Variants in RAVER2 observed in about 807,000 individuals in gnomAD.
RAVER2 encodes ribonucleoprotein, PTB binding 2.
A neutral mutation model predicts 78.1 loss-of-function variants in RAVER2; 46 were observed. The ratio of observed to expected loss-of-function variants is 0.59; its 90% CI spans 0.46 to 0.75. The LOEUF (loss-of-function observed/expected upper bound fraction) is 0.75. RAVER2 is among the 30% of genes least tolerant of loss of function. The pLI, the probability that RAVER2 is intolerant of heterozygous loss-of-function variation, is 0.00. For missense variants in RAVER2, 793 were observed against 837.5 expected (o/e 0.95, Z 0.66); for synonymous variants, 311 against 313.3 (o/e 0.99, Z 0.08).
At chr1:64,760,175 T>A (rs544128116) in intron 1 of RAVER2, among the ~76,000 whole-genome samples, 2 of 149,770 alleles carry the variant, frequency 1.3e-5, no homozygotes, top group African/African-American at 4.9e-5. Context: ...GTGGCTGGAG[T>A]CACATGGCCA....
intron 2 of RAVER2, among the ~76,000 whole-genome samples, chr1:64,777,112 C>G (rs909844220): frequency 6.6e-6 from 1 of 152,070 alleles, no homozygotes; most frequent in Non-Finnish European, 1.5e-5. Context: ...GAAATGGCCT[C>G]CTTTATGCAT....
At chr1:64,831,036 G>T in exon 12 of RAVER2, 1 of 1,540,714 alleles carries the variant, frequency 6.5e-7, no homozygotes, top group Non-Finnish European at 8.8e-7. Flanking sequence ...TATCTCTGCT[G>T]TTCATCGCTG....
At chr1:64,815,444 A>T (rs1337083986) in intron 11 of RAVER2, 2 of 152,188 alleles carry the variant, frequency 1.3e-5, no homozygotes, top group African/African-American at 2.4e-5. Context: ...CTGTGTCATT[A>T]CTTAAATATT....
At chr1:64,786,438 C>T (rs1347981445) in intron 4 of RAVER2, among the ~76,000 whole-genome samples, 2 of 152,218 alleles carry the variant, frequency 1.3e-5, no homozygotes, top group Non-Finnish European at 2.9e-5. Flanking sequence ...CCGTTTTCTT[C>T]GTCACCCTGC....
chr1:64,784,068 G>A (rs1275313980), intron 4 of RAVER2, among the ~76,000 whole-genome samples: 1 of 152,024 alleles, frequency 6.6e-6, no homozygotes, highest in Non-Finnish European at 1.5e-5. Flanking sequence ...TCTTTTATTG[G>A]TTGGTCCCTT....
intron 5 of RAVER2, among the ~76,000 whole-genome samples, chr1:64,800,744 T>A (rs1297164850): frequency 6.6e-6 from 1 of 152,156 alleles, no homozygotes; most frequent in African/African-American, 2.4e-5. Flanking sequence ...CCTAAAATTA[T>A]GCTAGAATTA....
intron 2 of RAVER2, among the ~76,000 whole-genome samples, chr1:64,770,724 G>A (rs1387848620): frequency 6.6e-6 from 1 of 151,850 alleles, no homozygotes; most frequent in Non-Finnish European, 1.5e-5. Context: ...GATTGAACAT[G>A]GTAAATAGAG....
At chr1:64,750,046 A>T (rs1365059118) in intron 1 of RAVER2, among the ~76,000 whole-genome samples, 1 of 152,190 alleles carries the variant, frequency 6.6e-6, no homozygotes, top group Non-Finnish European at 1.5e-5. Flanking sequence ...TGAAGTGCTT[A>T]GGGCCAACAT....
chr1:64,778,737 A>G (rs2100835450), intron 3 of RAVER2, among the ~76,000 whole-genome samples: 1 of 149,234 alleles, frequency 6.7e-6, no homozygotes, highest in East Asian at 1.9e-4. Context: ...TTTTCCTTAC[A>G]GAGTTTTGAT....
At chr1:64,776,869 C>T (rs1324713048) in intron 2 of RAVER2, among the ~76,000 whole-genome samples, 1 of 151,954 alleles carries the variant, frequency 6.6e-6, no homozygotes, top group Non-Finnish European at 1.5e-5. Flanking sequence ...ATTATGTTTC[C>T]AGTTATATAA....
At chr1:64,802,977 C>T (rs772098997) in exon 6 of RAVER2, 17 of 1,590,400 alleles carry the variant, frequency 1.1e-5, no homozygotes, top group Admixed American at 3.5e-5. Context: ...TTCTCAAAGC[C>T]GTTCTTGGAA....
intron 1 of RAVER2, among the ~76,000 whole-genome samples, chr1:64,756,974 T>C (rs557128315): frequency 8.5e-5 from 13 of 152,240 alleles, no homozygotes; most frequent in African/African-American, 3.1e-4. Context: ...TATCAGGGGG[T>C]ACATGACATT....
At chr1:64,749,463 G>A (rs1036258002) in intron 1 of RAVER2, among the ~76,000 whole-genome samples, 13 of 151,370 alleles carry the variant, frequency 8.6e-5, no homozygotes, top group African/African-American at 2.2e-4. Flanking sequence ...TGCCCGCCTC[G>A]GCCTCCCAAA....
intron 1 of RAVER2, among the ~76,000 whole-genome samples, chr1:64,754,136 C>A (rs746028558): frequency 1.1e-4 from 16 of 152,190 alleles, no homozygotes; most frequent in Admixed American, 4.6e-4. Context: ...CATTTTAAGA[C>A]TATAAGATTG....
chr1:64,803,719 T>C (rs138927821), intron 6 of RAVER2, among the ~76,000 whole-genome samples: 103 of 152,308 alleles, frequency 6.8e-4, no homozygotes, highest in African/African-American at 2.3e-3. Context: ...TGATACATTA[T>C]AGAGTTTTTA....
At chr1:64,756,794 T>TA (rs1651867001) in intron 1 of RAVER2, among the ~76,000 whole-genome samples, 1 of 152,252 alleles carries the variant, frequency 6.6e-6, no homozygotes. Context: ...TCCATTCTGT[T>TA]ACAGTTTCTC....
Position 64,781,582 on chromosome 1 carries a change from T to C in RAVER2, c.978+11T>C. ...GCGGCTCAACGTGTGGTAAGTTTTT[T>C]CTCTTTCTGTCTCTTTTTTTAGAGT... is the stretch of plus-strand genomic sequence containing the variant. On this transcript the variant is annotated intron_variant, in intron 4 of 11. Coordinates refer to ENST00000294428, the Ensembl canonical transcript of RAVER2. 1.2e-6 allele frequency: 2 copies of C among 1,600,512 alleles called. No individual in the cohort carries two copies. Among genetic ancestry groups the C allele is most frequent in the Non-Finnish European group, 1.7e-6 (2 of 1,174,652 alleles).
intron 1 of RAVER2, among the ~76,000 whole-genome samples, chr1:64,746,401 A>G (rs1181715524): frequency 6.6e-6 from 1 of 152,178 alleles, no homozygotes; most frequent in Non-Finnish European, 1.5e-5. Context: ...TTCACATATA[A>G]CCTGAATTTA....
chr1:64,829,940 A>C (rs935846826), intron 11 of RAVER2, among the ~76,000 whole-genome samples: 2 of 151,996 alleles, frequency 1.3e-5, no homozygotes, highest in African/African-American at 4.8e-5. Context: ...AGGAGTTGAG[A>C]GAGACCTATC....
Sources: allele counts gnomAD v4.1 joint callset (sites outside exome capture counted in the v4.1 genomes callset), GRCh38; gene constraint gnomAD v4.1.1; transcripts MANE v1.5; gene names NCBI Gene and HGNC (gene_info 2026-07-23, HGNC 2026-07-21).